EFTUD2: variants seen among roughly 807,000 people sequenced by gnomAD.
EFTUD2 encodes elongation factor Tu GTP binding domain containing 2.
Under a neutral mutation model 114.3 loss-of-function variants are expected in EFTUD2, and 9 were observed. The observed-to-expected ratio is 0.08, with a 90% CI of 0.05 to 0.14. The LOEUF (loss-of-function observed/expected upper bound fraction) is 0.14, where lower values mean the gene tolerates loss of function less well. Ranked by LOEUF, EFTUD2 falls within the 10% of genes least tolerant of loss-of-function variation. The probability of loss-of-function intolerance (pLI) is 1.00; values close to 1 mark genes in which losing one functional copy is unlikely to be tolerated. For synonymous variants in EFTUD2, 449 were observed against 462.3 expected (o/e 0.97, Z 0.37); for missense variants, 765 against 1,241.2 (o/e 0.62, Z 5.76).
intron 14 of EFTUD2, 93 bp from the exon 15 acceptor site, chr17:44,863,875 A>C: frequency 5.9e-6 from 9 of 1,524,862 alleles, no homozygotes; most frequent in Non-Finnish European, 6.2e-6. Context: ...AAAAAGCTCA[A>C]AGTGCGGGGA....
Position 44,858,661 on chromosome 17 carries a change from G to C in EFTUD2, c.1962+419C>G, listed in dbSNP as rs1369776796. On this transcript the variant is annotated intron_variant, in intron 19 of 27. Coordinates refer to ENST00000426333, the MANE Select transcript of EFTUD2 (RefSeq NM_004247.4). ...AGGTTTCACTATGTTGCCCAGATTGGTCTCAAACTGGGCTCAAGCAATCCT... is the reference window on the plus strand; with the variant it reads ...AGGTTTCACTATGTTGCCCAGATTGCTCTCAAACTGGGCTCAAGCAATCCT... Among the ~76,000 whole-genome samples, 5 of 151,790 alleles carry C rather than the reference G, an allele frequency of 3.3e-5. No homozygotes were observed. The East Asian group carries it at 7.8e-4, about 24-fold the overall frequency.
intron 25 of EFTUD2, among the ~76,000 whole-genome samples, chr17:44,852,938 T>C (rs1156313477): frequency 6.6e-6 from 1 of 151,324 alleles, no homozygotes; most frequent in Non-Finnish European, 1.5e-5. Context: ...TGGAATGCAG[T>C]GGCGCCATCT....
intron 20 of EFTUD2, among the ~76,000 whole-genome samples, chr17:44,856,217 A>G (rs2145443900): frequency 6.6e-6 from 1 of 151,690 alleles, no homozygotes; most frequent in South Asian, 2.1e-4. Context: ...TTTCATTTCA[A>G]TCTACTGGTC....
At chr17:44,865,967 A>G (rs1230494814) in intron 13 of EFTUD2, among the ~76,000 whole-genome samples, 4 of 152,136 alleles carry the variant, frequency 2.6e-5, no homozygotes, top group Non-Finnish European at 5.9e-5. Context: ...ACACACCACT[A>G]CAACAGCTAA....
chr17:44,854,222 T>C lies in EFTUD2; in HGVS notation c.2347+47A>G, dbSNP rs762964544. 6.4e-7 allele frequency: 1 copy of C among 1,566,210 alleles called. No homozygotes were observed. Among genetic ancestry groups the C allele is most frequent in the Non-Finnish European group, 8.7e-7 (1 of 1,153,666 alleles). Reference sequence around the variant, plus strand: ...AGCCCATCCCACTCATATGCCTGGCTGCAAGGACCCTCGAGGACTGGGGTG... The same window carrying C: ...AGCCCATCCCACTCATATGCCTGGCCGCAAGGACCCTCGAGGACTGGGGTG... On this transcript the variant is annotated intron_variant, in intron 23 of 27. Transcript: ENST00000426333. This position sits in a 1 kb window ranked among gnomAD's most constrained non-coding sequence, Gnocchi z 4.3.
chr17:44,853,760 C>A, intron 23 of EFTUD2, 125 bp from the exon 24 acceptor site: 1 of 1,514,080 alleles, frequency 6.6e-7, no homozygotes, highest in Non-Finnish European at 8.9e-7. Flanking sequence ...GTACAGAAAT[C>A]AAATGGGAGG....
intron 15 of EFTUD2, 199 bp from the exon 16 acceptor site, chr17:44,863,105 C>T (rs201865131): frequency 3.9e-6 from 1 of 258,688 alleles, no homozygotes; most frequent in East Asian, 5.1e-5. Flanking sequence ...AAAATATTCT[C>T]CTCTTTTTTT....
At position 44,857,175 on chromosome 17, in the gene EFTUD2, A is replaced by C; in HGVS notation, c.1963-18T>G. On this transcript the variant is annotated intron_variant, in intron 19 of 27. Coordinates refer to ENST00000426333, the MANE Select transcript of EFTUD2 (RefSeq NM_004247.4). ...TCAGCCACCTGGGAAACAGAAAATA[A>C]ATTACTGAAGCGAGGTCTAATTTTG... 6.2e-7 allele frequency: 1 copy of C among 1,612,008 alleles called. No individual in the cohort carries two copies. The highest frequency in any genetic ancestry group is 8.5e-7 in the Non-Finnish European group (1 of 1,178,220).
chr17:44,866,880 G>A (rs1308040851), intron 13 of EFTUD2, among the ~76,000 whole-genome samples: 1 of 152,152 alleles, frequency 6.6e-6, no homozygotes, highest in Non-Finnish European at 1.5e-5. Context: ...AAGGCAGGAG[G>A]ATCACTTGAG....
At chr17:44,897,929 A>G (rs2051422491) in intron 1 of EFTUD2, among the ~76,000 whole-genome samples, 1 of 152,204 alleles carries the variant, frequency 6.6e-6, no homozygotes, top group Non-Finnish European at 1.5e-5. Context: ...TAGCCAAGAC[A>G]GCACCTTGCA....
At chr17:44,883,490 A>G (rs2051110202) in intron 5 of EFTUD2, 159 bp downstream of exon 5, 3 of 715,806 alleles carry the variant, frequency 4.2e-6, no homozygotes, top group East Asian at 2.6e-5. Flanking sequence ...GGGAAAAGCC[A>G]GAATTTCACA....
In EFTUD2 at chr17:44,853,654, G is replaced by A. The variant is rs200601733; in HGVS notation, c.2348-19C>T. 3.1e-6 allele frequency: 5 copies of A among 1,612,832 alleles called. No homozygotes were observed. The African/African-American group carries it at 5.3e-5, about 17-fold the overall frequency. On this transcript the variant is annotated intron_variant, in intron 23 of 27. Transcript: ENST00000426333. ...CGAATCACTGTAAAGGAGGTGGAGG[G>A]AGTGACTGGGGAGAGGTTCTGGGCC...
In EFTUD2 at chr17:44,886,714, G is replaced by C. The variant is rs1457131155; in HGVS notation, c.142C>G (p.His48Asp). 1.2e-6 allele frequency: 2 copies of C among 1,613,948 alleles called. No homozygotes were observed. Among genetic ancestry groups the C allele is most frequent in the Non-Finnish European group, 1.7e-6 (2 of 1,179,996 alleles). Residue 48 changes from histidine to aspartate, a missense_variant, in exon 3 of 28, where the codon CAT (histidine) becomes GAT (aspartate). By Grantham distance (81) the His-to-Asp change is moderately conservative (BLOSUM62 -1). Transcript: ENST00000426333. ...TCCATCCCAGGGTGGTCATCGTCAT[G>C]ATCTCCTACGTCATCGTCGTCGTCA... ...DDDDDDDVGD[H>D]DDDHPGMEVV...
rs374713895 is a variant in EFTUD2, at chr17:44,859,195, G to A, written c.1861-14C>T. The A allele has an allele frequency of 4.5e-5, 72 of 1,586,152 alleles. No individual in the cohort carries two copies. The highest frequency in any genetic ancestry group is 6.1e-5 in the Non-Finnish European group (71 of 1,154,578). ...AGACTCCTCCACCTGAAACACAACAGGCAGTCACAGCCTGGATTCTCTTAT... is the reference window on the plus strand; with the variant it reads ...AGACTCCTCCACCTGAAACACAACAAGCAGTCACAGCCTGGATTCTCTTAT... On this transcript the variant is annotated splice_polypyrimidine_tract_variant and intron_variant, in intron 18 of 27. Transcript: ENST00000426333.
chr17:44,860,886 A>C (rs1461845063), intron 16 of EFTUD2, among the ~76,000 whole-genome samples: 1 of 152,136 alleles, frequency 6.6e-6, no homozygotes, highest in Non-Finnish European at 1.5e-5. Flanking sequence ...GGTGTGAGCC[A>C]CCACATCCAG....
chr17:44,863,133 G>A (rs1390115529), intron 15 of EFTUD2: 7 of 420,382 alleles, frequency 1.7e-5, no homozygotes, highest in Non-Finnish European at 2.9e-5. Context: ...GGAGGATAAG[G>A]GCATTGAGGA....
chr17:44,874,906 C>A (rs1240102000), intron 10 of EFTUD2, among the ~76,000 whole-genome samples: 17 of 152,250 alleles, frequency 1.1e-4, no homozygotes, highest in Non-Finnish European at 2.9e-5. Context: ...TATTTAATTT[C>A]TTATAACATC....
Position 44,863,692 on chromosome 17 carries a change from G to C in EFTUD2, c.1376C>G (p.Ser459Cys), listed in dbSNP as rs377238998. Residue 459 changes from serine (S) to cysteine (C), a missense_variant, in exon 15 of 28, where the codon TCC becomes TGC. Coordinates refer to ENST00000426333, the MANE Select transcript of EFTUD2 (RefSeq NM_004247.4). ...IEHTYTGGVD[S>C]DLGEAMSDCD... ...GTCACTCATAGCCTCGCCGAGGTCG[G>C]AGTCCACACCACCGGTGTAGGTGTG... 4 of 1,614,062 alleles carry C rather than the reference G, an allele frequency of 2.5e-6. No individual in the cohort carries two copies. The Admixed American group carries it at 5.0e-5, about 20-fold the overall frequency.
In EFTUD2 at chr17:44,850,673, A is replaced by G. The variant is rs1479157742; in HGVS notation, c.*601T>C. ...GATCGCAGGAACCCAACAACTCCCA[A>G]GCCATCTTAGGTTCCACCCAGAAGC... On this transcript the variant is annotated 3_prime_UTR_variant, in exon 28 of 28. Transcript: ENST00000426333. 7 of 357,672 alleles carry G rather than the reference A, an allele frequency of 2.0e-5. No individual in the cohort carries two copies. The East Asian group carries it at 3.1e-4, about 16-fold the overall frequency. The allele number at this position is 357,672 out of a possible 1,614,324, so 22.2% of individuals were successfully genotyped here.
Sources: allele counts gnomAD v4.1 joint callset (sites outside exome capture counted in the v4.1 genomes callset), GRCh38; gene constraint gnomAD v4.1.1; non-coding constraint Gnocchi (gnomAD v3.1); transcripts MANE v1.5; gene names NCBI Gene and HGNC (gene_info 2026-07-23, HGNC 2026-07-21).